The following C8orf34 variants were observed in gnomAD, a reference collection of about 807,000 sequenced individuals.
C8orf34 encodes chromosome 8 open reading frame 34.
A neutral mutation model predicts 68.3 loss-of-function variants in C8orf34; 65 were observed. That is an observed-to-expected ratio of 0.95 (90% confidence interval 0.78 to 1.17). The LOEUF (loss-of-function observed/expected upper bound fraction) is 1.17. Among genes scored for constraint, C8orf34 ranks in the 50% most tolerant of loss-of-function variants. The probability of loss-of-function intolerance (pLI) is 0.00; values close to 1 mark genes in which losing one functional copy is unlikely to be tolerated. For missense variants in C8orf34, 664 were observed against 655.4 expected, an observed-to-expected ratio of 1.01 and a Z score of -0.14; for synonymous variants, 244 against 241.2, an observed-to-expected ratio of 1.01 and a Z score of -0.11.
chr8:68,351,654 T>A (rs925563837), intron 1 of C8orf34, among the ~76,000 whole-genome samples: 1 of 152,128 alleles, frequency 6.6e-6, no homozygotes, highest in African/African-American at 2.4e-5. Context: ...TTTTGTTCAC[T>A]CCTCTCATTC....
chr8:68,764,556 G>T (rs180684105), intron 10 of C8orf34, among the ~76,000 whole-genome samples: 1 of 152,226 alleles, frequency 6.6e-6, no homozygotes, highest in Non-Finnish European at 1.5e-5. Flanking sequence ...AAGTAGCATT[G>T]GAGCTGAGAC....
chr8:68,552,374 A>G (rs895983057), intron 7 of C8orf34, among the ~76,000 whole-genome samples: 3 of 152,190 alleles, frequency 2.0e-5, no homozygotes, highest in African/African-American at 7.2e-5. Flanking sequence ...TTTTAAGAAT[A>G]TTTTTTAGTT....
chr8:68,607,974 T>G (rs906450807), intron 7 of C8orf34, among the ~76,000 whole-genome samples: 1 of 152,064 alleles, frequency 6.6e-6, no homozygotes, highest in Non-Finnish European at 1.5e-5. Context: ...GCCAGTGAAG[T>G]TCCTAAAAGT....
chr8:68,348,685 G>A lies in C8orf34; in HGVS notation c.327+17346G>A, dbSNP rs548818491. On this transcript the variant is annotated intron_variant, in intron 1 of 13. Coordinates refer to ENST00000518698, the MANE Select transcript of C8orf34 (RefSeq NM_052958.4). ...TGTTGCAGAGATCTTTCTCCTCCCTGGTTAGCTGTATTCCTAAGTATTTTA... is the reference window on the plus strand; with the variant it reads ...TGTTGCAGAGATCTTTCTCCTCCCTAGTTAGCTGTATTCCTAAGTATTTTA... Among the ~76,000 whole-genome samples, 21 of 151,804 alleles carry A rather than the reference G, an allele frequency of 1.4e-4. No homozygotes were observed. The South Asian group carries it at 4.4e-3, about 32-fold the overall frequency.
At position 68,474,932 on chromosome 8, in the gene C8orf34, T is replaced by G. The variant is rs114485140; in HGVS notation, c.736+6112T>G. 7.8e-3 allele frequency among the ~76,000 whole-genome samples: 1,194 copies of G among 152,328 alleles called. 20 individuals are homozygous for G. The highest frequency in any genetic ancestry group is 0.027 in the African/African-American group (1,130 of 41,576). On this transcript the variant is annotated intron_variant, in intron 4 of 13. Coordinates refer to ENST00000518698, the MANE Select transcript of C8orf34 (RefSeq NM_052958.4). ...CGCTTCTCCATTCTGCCAATCAGCC[T>G]TCACTATAAGTGTAGTGGCTCTAAA...
intron 3 of C8orf34, chr8:68,448,122 T>C (rs1811197878): frequency 6.6e-6 from 1 of 152,118 alleles, no homozygotes. Flanking sequence ...AATTACAGAA[T>C]CAGTTCTGAA....
intron 10 of C8orf34, among the ~76,000 whole-genome samples, chr8:68,757,265 G>A (rs921784704): frequency 5.3e-5 from 8 of 152,224 alleles, no homozygotes; most frequent in African/African-American, 1.9e-4. Flanking sequence ...ATTATCTAAT[G>A]GAGGACTCTG....
intron 1 of C8orf34, among the ~76,000 whole-genome samples, chr8:68,431,067 G>A (rs1003544289): frequency 5.3e-4 from 81 of 152,042 alleles, no homozygotes; most frequent in African/African-American, 1.9e-3. Context: ...AAACTCATAT[G>A]GACAGTAAGG....
At chr8:68,422,874 A>G (rs1810040346) in intron 1 of C8orf34, among the ~76,000 whole-genome samples, 1 of 152,096 alleles carries the variant, frequency 6.6e-6, no homozygotes, top group Admixed American at 6.5e-5. Context: ...CAGGCTCAAC[A>G]CTACATGGAA....
intron 7 of C8orf34, among the ~76,000 whole-genome samples, chr8:68,565,358 G>A (rs141517032): frequency 3.2e-4 from 49 of 152,218 alleles, no homozygotes; most frequent in African/African-American, 1.2e-3. Flanking sequence ...AATCCCTCCC[G>A]AAGATAAAGC....
upstream of C8orf34, chr8:68,330,841 A>T (rs1294493138): frequency 3.7e-6 from 2 of 542,228 alleles, no homozygotes; most frequent in East Asian, 7.0e-5. Context: ...GGCGAGTTCG[A>T]GCCCCGCGGC....
intron 8 of C8orf34, among the ~76,000 whole-genome samples, chr8:68,700,489 C>CT (rs1485874254): frequency 6.6e-6 from 1 of 152,014 alleles, no homozygotes; most frequent in Non-Finnish European, 1.5e-5. Flanking sequence ...GCAGCAGTGA[C>CT]TTTTTTTCTG....
At chr8:68,595,309 A>T (rs2130460755) in intron 7 of C8orf34, among the ~76,000 whole-genome samples, 1 of 152,120 alleles carries the variant, frequency 6.6e-6, no homozygotes, top group Middle Eastern at 3.4e-3. Context: ...ATACAAGTGT[A>T]AGGGCTTATT....
chr8:68,438,325 A>G (rs1810749429), intron 1 of C8orf34: 1 of 152,172 alleles, frequency 6.6e-6, no homozygotes, highest in South Asian at 2.1e-4. Context: ...TGAGGAAGAT[A>G]AAATGATAAA....
intron 5 of C8orf34, among the ~76,000 whole-genome samples, chr8:68,498,108 A>G (rs931542016): frequency 1.3e-5 from 2 of 152,214 alleles, no homozygotes; most frequent in African/African-American, 4.8e-5. Flanking sequence ...GATTACAGGC[A>G]TGAGCCACGG....
At chr8:68,509,551 GT>G (rs71253091) in intron 5 of C8orf34, among the ~76,000 whole-genome samples, 152,310 of 152,310 alleles carry the variant, frequency 1, 76,155 homozygotes, top group Non-Finnish European at 1. Flanking sequence ...TGAGGTGTGT[GT>G]TCTCATAGTA....
intron 1 of C8orf34, among the ~76,000 whole-genome samples, chr8:68,337,972 C>A (rs1358273670): frequency 6.6e-6 from 1 of 152,120 alleles, no homozygotes; most frequent in African/African-American, 2.4e-5. Flanking sequence ...TACAGAATTT[C>A]TTTATTACAA....
At chr8:68,717,316 T>A (rs1445518733) in intron 9 of C8orf34, among the ~76,000 whole-genome samples, 3 of 152,078 alleles carry the variant, frequency 2.0e-5, no homozygotes, top group African/African-American at 7.2e-5. Flanking sequence ...CGGTTAGGAT[T>A]CCTGGTTTTT....
intron 7 of C8orf34, among the ~76,000 whole-genome samples, chr8:68,598,264 G>A (rs1389440079): frequency 6.6e-6 from 1 of 152,112 alleles, no homozygotes; most frequent in Non-Finnish European, 1.5e-5. Context: ...CTCCTTTGTA[G>A]TCAGCAATAC....
Sources: allele counts gnomAD v4.1 joint callset (sites outside exome capture counted in the v4.1 genomes callset), GRCh38; gene constraint gnomAD v4.1.1; transcripts MANE v1.5; gene names NCBI Gene and HGNC (gene_info 2026-07-23, HGNC 2026-07-21).